The following P2RX7 variants were observed in gnomAD, a reference collection of about 807,000 sequenced individuals.
P2RX7 encodes the protein purinergic receptor P2X 7.
P2RX7 carries 62 observed loss-of-function variants against 71.6 expected under a neutral mutation model. The observed-to-expected ratio is 0.87, with a 90% confidence interval of 0.71 to 1.07. The LOEUF (loss-of-function observed/expected upper bound fraction) is 1.07, where lower values mean the gene tolerates loss of function less well. P2RX7 is among the 50% of genes least tolerant of loss of function. The pLI is 0.00. For synonymous variants in P2RX7, 299 were observed against 283.3 expected, an observed-to-expected ratio of 1.06 and a Z score of -0.56; for missense variants, 686 against 748.5, an observed-to-expected ratio of 0.92 and a Z score of 0.97.
chr12:121,150,398 G>T (rs1877140531), intron 1 of P2RX7, among the ~76,000 whole-genome samples: 1 of 152,220 alleles, frequency 6.6e-6, no homozygotes, highest in Non-Finnish European at 1.5e-5. Context: ...TGGGTCACAT[G>T]ACCCAGTGTT....
chr12:121,144,929 C>A (rs1165363063), intron 1 of P2RX7, among the ~76,000 whole-genome samples: 1 of 151,978 alleles, frequency 6.6e-6, no homozygotes, highest in Non-Finnish European at 1.5e-5. Context: ...GAGAAACAGC[C>A]AATTTGGGGT....
intron 8 of P2RX7, 65 bp downstream of exon 8, chr12:121,167,689 C>T (rs1336822967): frequency 9.3e-6 from 13 of 1,395,964 alleles, no homozygotes; most frequent in African/African-American, 1.5e-5. Flanking sequence ...ACTGGTGAGA[C>T]TAATTTTGGT....
Position 121,167,627 on chromosome 12 carries a change from A to G in P2RX7, c.881+3A>G, listed in dbSNP as rs1881364238. On this transcript the variant is annotated splice_donor_region_variant and intron_variant, in intron 8 of 12. Transcript: ENST00000328963. Reference sequence around the variant, plus strand: ...TTGTACCCTGGCTACAACTTCAGGTAACTCCAAGGCCCAGGTCAAACTCAC... The same window carrying G: ...TTGTACCCTGGCTACAACTTCAGGTGACTCCAAGGCCCAGGTCAAACTCAC... The G allele has an allele frequency of 6.4e-7, 1 of 1,569,550 alleles. No homozygotes were observed. The highest frequency in any genetic ancestry group is 8.6e-7 in the Non-Finnish European group (1 of 1,156,124).
chr12:121,151,026 C>A (rs1378736499), intron 1 of P2RX7, among the ~76,000 whole-genome samples: 1 of 152,174 alleles, frequency 6.6e-6, no homozygotes, highest in African/African-American at 2.4e-5. Context: ...TTGCTCCCTG[C>A]AAACTCATCC....
At chr12:121,167,030 T>C (rs1881197824) in intron 7 of P2RX7, among the ~76,000 whole-genome samples, 1 of 144,948 alleles carries the variant, frequency 6.9e-6, no homozygotes, top group Non-Finnish European at 1.5e-5. Context: ...CCAGCCTAGG[T>C]GACAAGAGCG....
chr12:121,183,186 A>G (rs1884415014), intron 12 of P2RX7, among the ~76,000 whole-genome samples: 1 of 151,626 alleles, frequency 6.6e-6, no homozygotes, highest in Non-Finnish European at 1.5e-5. Flanking sequence ...CAAAAAAAAA[A>G]AAATTCTTTC....
chr12:121,144,271 C>G (rs1009862902), intron 1 of P2RX7, among the ~76,000 whole-genome samples: 1 of 152,208 alleles, frequency 6.6e-6, no homozygotes, highest in African/African-American at 2.4e-5. Flanking sequence ...GATCTCGCCT[C>G]ACTTCGACCT....
chr12:121,138,690 A>G (rs2135981000), intron 1 of P2RX7, among the ~76,000 whole-genome samples: 1 of 152,364 alleles, frequency 6.6e-6, no homozygotes, highest in Middle Eastern at 3.4e-3. Flanking sequence ...GGGATTTCTA[A>G]GTGTACCTCT....
intron 1 of P2RX7, among the ~76,000 whole-genome samples, chr12:121,140,451 G>C (rs1484337041): frequency 2.0e-5 from 3 of 152,220 alleles, no homozygotes; most frequent in African/African-American, 7.2e-5. Flanking sequence ...GAATGACGGT[G>C]AGGAACCAGT....
chr12:121,163,597 GTAGATAGATAGATAGATAGATAGATAGA>G (rs3078807), intron 5 of P2RX7, among the ~76,000 whole-genome samples: 4 of 130,286 alleles, frequency 3.1e-5, no homozygotes, highest in African/African-American at 1.1e-4. Context: ...AGATAGACAG[GTAGATAGATAGATAGATAGATAGATAGA>G]TAGATAGATA....
intron 3 of P2RX7, among the ~76,000 whole-genome samples, chr12:121,160,557 G>C (rs1879464726): frequency 6.6e-6 from 1 of 152,130 alleles, no homozygotes; most frequent in Non-Finnish European, 1.5e-5. Flanking sequence ...TGTCTCTATA[G>C]ATGCCTATTC....
chr12:121,164,671 A>G (rs942476816), intron 5 of P2RX7, among the ~76,000 whole-genome samples: 2 of 152,080 alleles, frequency 1.3e-5, no homozygotes, highest in African/African-American at 4.8e-5. Flanking sequence ...AATCCCGGCT[A>G]CTCGGGAGGC....
intron 6 of P2RX7, 138 bp downstream of exon 6, chr12:121,165,575 C>A: frequency 1.4e-6 from 1 of 706,880 alleles, no homozygotes; most frequent in Non-Finnish European, 2.4e-6. Flanking sequence ...AATGACTTTG[C>A]TGCGTGGTTC....
chr12:121,167,438 C>T (rs377131137), intron 7 of P2RX7, 50 bp from the exon 8 acceptor site: 6 of 1,601,214 alleles, frequency 3.7e-6, no homozygotes, highest in Admixed American at 1.7e-5. Context: ...CTGGCGGTTG[C>T]GTAACTCACA....
At chr12:121,184,248 G>C in intron 12 of P2RX7, 57 bp from the exon 13 acceptor site, 6 of 1,510,110 alleles carry the variant, frequency 4.0e-6, no homozygotes, top group Non-Finnish European at 5.3e-6. Flanking sequence ...TAAAATTAAA[G>C]AACCTAGAAC....
chr12:121,136,023 A>AAAAAAAAAAAAATATATATATAT lies in P2RX7; in HGVS notation c.125+2929_125+2930insAAAAAAAAAAATATATATATATA. 2.5e-3 allele frequency among the ~76,000 whole-genome samples: 38 copies of AAAAAAAAAAAAATATATATATAT among 15,250 alleles called. 3 individuals carry two copies. Among genetic ancestry groups the AAAAAAAAAAAAATATATATATAT allele is most frequent in the Non-Finnish European group, 4.4e-3 (24 of 5,448 alleles). 10.0% of individuals were successfully genotyped at this position (15,250 alleles called of 152,430 possible). Reference sequence around the variant, plus strand: ...TGTCTCAAAAAAAAAAAAAAAAAAAAATATATATATATATATATAGTATTT... The same window carrying AAAAAAAAAAAAATATATATATAT: ...TGTCTCAAAAAAAAAAAAAAAAAAAAAAAAAAAAAAAATATATATATATATATATATATATATATATAGTATTT... On this transcript the variant is annotated intron_variant, in intron 1 of 12. Transcript: ENST00000328963.
At position 121,177,441 on chromosome 12, in the gene P2RX7, A is replaced by G. The variant is rs1040923451; in HGVS notation, c.1183A>G (p.Lys395Glu). The G allele has an allele frequency of 6.2e-7, 1 of 1,613,148 alleles. No individual in the cohort carries two copies. Among genetic ancestry groups the G allele is most frequent in the Non-Finnish European group, 8.5e-7 (1 of 1,180,010 alleles). The change falls in exon 11 of 13, where the codon AAG becomes GAG. Residue 395 changes from lysine (K) to glutamate (E), a missense_variant. Transcript: ENST00000328963. Reference sequence around the variant, plus strand: ...GAAGTGCGAGTCCATTGTGGAGCCAAAGCCGGTGAGGCCGCTGTGTTCACA... The same window carrying G: ...GAAGTGCGAGTCCATTGTGGAGCCAGAGCCGGTGAGGCCGCTGTGTTCACA... ...RKKCESIVEPKPTLKYVSFVD... is the reference protein window; with the variant it reads ...RKKCESIVEPEPTLKYVSFVD...
chr12:121,175,386 A>T lies in P2RX7; in HGVS notation c.882-2A>T, dbSNP rs1293356256. The T allele has an allele frequency of 2.5e-6, 4 of 1,594,784 alleles. No homozygotes were observed. Among genetic ancestry groups the T allele is most frequent in the Non-Finnish European group, 2.6e-6 (3 of 1,163,562 alleles). ...CAAATACAGATCCTTTTCTTCCTAC[A>T]GATACGCCAAGTACTACAAGGAAAA... On this transcript the variant is annotated splice_acceptor_variant, in intron 8 of 12. Transcript: ENST00000328963. LOFTEE classifies it high-confidence loss of function.
In P2RX7 at chr12:121,160,097, CTT is replaced by C. The variant is rs1474997198; in HGVS notation, c.364-803_364-802del. ...TTCCAGAATATTTTCTTCCTTCTTT[CTT>C]TCTTTTTTTTTCCTTTCTTTCTTTC... On this transcript the variant is annotated intron_variant, in intron 3 of 12. Transcript: ENST00000328963. Among the ~76,000 whole-genome samples the C allele has an allele frequency of 3.2e-4, 49 of 152,092 alleles. 1 individual carries two copies. The highest frequency in any genetic ancestry group is 1.1e-3 in the African/African-American group (46 of 41,500).
Sources: gnomAD v4.1 joint callset for allele counts (sites outside exome capture counted in the v4.1 genomes callset) on GRCh38, gnomAD v4.1.1 for gene constraint, MANE v1.5 for transcripts, NCBI Gene and HGNC (gene_info 2026-07-23, HGNC 2026-07-21) for gene names.